The following CLVS2 variants were observed in gnomAD, a reference collection of about 807,000 sequenced individuals.
CLVS2 encodes clavesin-2.
A neutral mutation model predicts 29.0 loss-of-function variants in CLVS2; 19 were observed. That is an observed-to-expected ratio of 0.66 (90% confidence interval 0.46 to 0.96). CLVS2 has a LOEUF of 0.96. Among genes scored for constraint, CLVS2 ranks in the 40% least tolerant of loss-of-function variants. The pLI is 0.00. For missense variants in CLVS2, 294 were observed against 404.1 expected (o/e 0.73, Z 2.34); for synonymous variants, 161 against 151.3 (o/e 1.06, Z -0.47).
chr6:123,057,805 A>G (rs1374435517), intron 5 of CLVS2, among the ~76,000 whole-genome samples: 1 of 152,116 alleles, frequency 6.6e-6, no homozygotes, highest in Non-Finnish European at 1.5e-5. Flanking sequence ...TTATATTTAA[A>G]CCAACTTTAG....
intron 2 of CLVS2, among the ~76,000 whole-genome samples, chr6:123,002,556 C>A (rs188544831): frequency 6.8e-6 from 1 of 146,040 alleles, no homozygotes; most frequent in African/African-American, 2.5e-5. Context: ...AATCACAAAG[C>A]TTTACTCATC....
At chr6:123,012,371 A>T (rs1371655071) in intron 3 of CLVS2, among the ~76,000 whole-genome samples, 1 of 152,002 alleles carries the variant, frequency 6.6e-6, no homozygotes, top group Non-Finnish European at 1.5e-5. Flanking sequence ...TACCTAACAC[A>T]GAATGGTAAC....
Position 123,069,702 on chromosome 6 carries a change from C to T in CLVS2, c.*5941C>T, listed in dbSNP as rs962238688. On this transcript the variant is annotated 3_prime_UTR_variant, in exon 6 of 6. Coordinates refer to ENST00000275162, the MANE Select transcript of CLVS2 (RefSeq NM_001010852.4). ...AAAAGCCAGAGATATTGTCTCCACT[C>T]TCGTTACAAAAAAGTGCGTTCCTTC... 6.6e-6 allele frequency: 1 copy of T among 151,750 alleles called. No individual in the cohort carries two copies. Among genetic ancestry groups the T allele is most frequent in the Non-Finnish European group, 1.5e-5 (1 of 67,850 alleles). 9.4% of individuals were successfully genotyped at this position (151,750 alleles called of 1,614,324 possible).
chr6:123,058,775 A>T (rs1389606241), intron 5 of CLVS2, among the ~76,000 whole-genome samples: 1 of 151,966 alleles, frequency 6.6e-6, no homozygotes. Flanking sequence ...CCTCAGCTCC[A>T]CAAGTAACTG....
intron 3 of CLVS2, among the ~76,000 whole-genome samples, chr6:123,026,803 G>C (rs1775007876): frequency 6.6e-6 from 1 of 152,090 alleles, no homozygotes; most frequent in Non-Finnish European, 1.5e-5. Flanking sequence ...TTTAAAAATA[G>C]TTTTATGAAA....
chr6:123,025,921 G>GTCT (rs1346904878), intron 3 of CLVS2, among the ~76,000 whole-genome samples: 2 of 152,054 alleles, frequency 1.3e-5, no homozygotes, highest in Non-Finnish European at 2.9e-5. Context: ...GCAAATACTA[G>GTCT]TCTTGGCATC....
rs1483489290 is a variant in CLVS2 at position 123,066,979 on chromosome 6, CAG to C, written c.*3221_*3222del. 1 of 151,640 alleles carries C rather than the reference CAG, an allele frequency of 6.6e-6. No individual in the cohort carries two copies. Among genetic ancestry groups the C allele is most frequent in the Non-Finnish European group, 1.5e-5 (1 of 67,712 alleles). The allele number at this position is 151,640 out of a possible 1,614,324, so 9.4% of individuals were successfully genotyped here. On this transcript the variant is annotated 3_prime_UTR_variant, in exon 6 of 6. Transcript: ENST00000275162. ...GCTAAAACGATATACGAGTATTAAA[CAG>C]AGTTTTGCAAGCAAGTTTTTGAAGT...
intron 3 of CLVS2, among the ~76,000 whole-genome samples, chr6:123,014,787 TC>T (rs2114312483): frequency 6.6e-6 from 1 of 152,196 alleles, no homozygotes; most frequent in Admixed American, 6.6e-5. Context: ...ACCATAGTAT[TC>T]TTTTGGTGCT....
chr6:123,031,738 A>G (rs1775086336), intron 3 of CLVS2, among the ~76,000 whole-genome samples: 2 of 151,606 alleles, frequency 1.3e-5, no homozygotes, highest in Admixed American at 6.6e-5. Context: ...AGGGAGTAAA[A>G]CTCCAAACTC....
Position 123,068,034 on chromosome 6 carries a change from G to A in CLVS2, c.*4273G>A, listed in dbSNP as rs908549500. 1 of 151,568 alleles carries A rather than the reference G, an allele frequency of 6.6e-6. No individual in the cohort carries two copies. Among genetic ancestry groups the A allele is most frequent in the Non-Finnish European group, 1.5e-5 (1 of 67,670 alleles). 9.4% of individuals were successfully genotyped at this position (151,568 alleles called of 1,614,324 possible). A position where few individuals can be genotyped will look rare whatever the true frequency, so the allele number is the denominator to read the frequency against. ...AATATAATCTTTTTTAAGAATTAAA[G>A]ATTTTATTTTATAAATATTTGGAGG... On this transcript the variant is annotated 3_prime_UTR_variant, in exon 6 of 6. Coordinates refer to ENST00000275162, the MANE Select transcript of CLVS2 (RefSeq NM_001010852.4).
chr6:123,063,712 T>C lies in CLVS2; in HGVS notation c.935T>C (p.Met312Thr), dbSNP rs1772812370. The change falls in exon 6 of 6, where the codon ATG (methionine) becomes ACG (threonine). Residue 312 changes from methionine (M) to threonine (T), a missense_variant. By Grantham distance (81) the Met-to-Thr change is moderately conservative. Transcript: ENST00000275162. ...GTGGATCCTACAGTACTAAAACGCA[T>C]GGATAAAAATGAGGAAGAAAACATG... ...SVVDPTVLKRMDKNEEENMQP... is the reference protein window; with the variant it reads ...SVVDPTVLKRTDKNEEENMQP... 1 of 1,612,284 alleles carries C rather than the reference T, an allele frequency of 6.2e-7. No homozygotes were observed. Among genetic ancestry groups the C allele is most frequent in the Non-Finnish European group, 8.5e-7 (1 of 1,178,580 alleles).
intron 5 of CLVS2, 110 bp downstream of exon 5, chr6:123,056,136 A>AC: frequency 1.4e-6 from 1 of 720,512 alleles, no homozygotes; most frequent in South Asian, 1.7e-5. Context: ...GTGGGATTTT[A>AC]AAACTCTTTA....
intron 2 of CLVS2, 24 bp downstream of exon 2, chr6:122,998,190 A>G (rs1774540363): frequency 6.3e-7 from 1 of 1,597,714 alleles, no homozygotes; most frequent in Non-Finnish European, 8.5e-7. Context: ...CCAAACTTGT[A>G]TTCTCCTTTT....
rs1301983353 is a variant in CLVS2, at chr6:123,067,730, A to C, written c.*3969A>C. 6.6e-6 allele frequency: 1 copy of C among 151,800 alleles called. No homozygotes were observed. Among genetic ancestry groups the C allele is most frequent in the Admixed American group, 6.6e-5 (1 of 15,202 alleles). The allele number at this position is 151,800 out of a possible 1,614,324, so 9.4% of individuals were successfully genotyped here. On this transcript the variant is annotated 3_prime_UTR_variant, in exon 6 of 6. Transcript: ENST00000275162. ...CCTGAAACATAGTAATGCATTTGAAATTTGTGAGGTCACTGATCATACAAG... is the reference window on the plus strand; with the variant it reads ...CCTGAAACATAGTAATGCATTTGAACTTTGTGAGGTCACTGATCATACAAG...
intron 3 of CLVS2, among the ~76,000 whole-genome samples, chr6:123,046,060 G>C (rs1340569582): frequency 6.6e-6 from 1 of 152,144 alleles, no homozygotes; most frequent in Non-Finnish European, 1.5e-5. Context: ...GACTGGAAGC[G>C]AGGAAGATCA....
intron 4 of CLVS2, among the ~76,000 whole-genome samples, chr6:123,052,728 TG>T (rs1367549553): frequency 1.3e-5 from 2 of 150,916 alleles, no homozygotes; most frequent in Admixed American, 1.3e-4. Flanking sequence ...TCTGAGAAAG[TG>T]GAAGAATAGT....
At chr6:123,014,280 AGT>A (rs1179043243) in intron 3 of CLVS2, among the ~76,000 whole-genome samples, 4 of 152,118 alleles carry the variant, frequency 2.6e-5, no homozygotes, top group Non-Finnish European at 5.9e-5. Context: ...TCCCACCAAC[AGT>A]GTAAAAGTGT....
At chr6:123,040,691 T>A (rs1457820658) in intron 3 of CLVS2, among the ~76,000 whole-genome samples, 1 of 147,298 alleles carries the variant, frequency 6.8e-6, no homozygotes, top group Non-Finnish European at 1.5e-5. Flanking sequence ...TACTCGGGAG[T>A]CGGGAGGCTG....
intron 3 of CLVS2, among the ~76,000 whole-genome samples, chr6:123,015,191 G>C (rs1774809284): frequency 6.6e-6 from 1 of 151,978 alleles, no homozygotes; most frequent in African/African-American, 2.4e-5. Context: ...AATAACCAGA[G>C]ATGAGGCTGG....
Sources: gnomAD v4.1 joint callset for allele counts (sites outside exome capture counted in the v4.1 genomes callset) on GRCh38, gnomAD v4.1.1 for gene constraint, MANE v1.5 for transcripts, NCBI Gene and HGNC (gene_info 2026-07-23, HGNC 2026-07-21) for gene names.